The following ADNP variants were observed in gnomAD, a reference collection of about 807,000 sequenced individuals.
ADNP encodes the protein activity dependent neuroprotector homeobox, also known as activity-dependent neuroprotector homeobox protein.
ADNP carries 4 observed loss-of-function variants against 84.9 expected under a neutral mutation model. The ratio of observed to expected loss-of-function variants is 0.05; its 90% CI spans 0.02 to 0.11. The LOEUF (loss-of-function observed/expected upper bound fraction) is 0.11. ADNP is among the 10% of genes least tolerant of loss of function. ADNP has a pLI of 1.00. For missense variants in ADNP, 1,132 were observed against 1,326.0 expected, an observed-to-expected ratio of 0.85 and a Z score of 2.27; for synonymous variants, 554 against 468.1, an observed-to-expected ratio of 1.18 and a Z score of -2.37.
chr20:50,930,371 CT>C (rs1288484174), intron 1 of ADNP, among the ~76,000 whole-genome samples: 2 of 152,078 alleles, frequency 1.3e-5, no homozygotes, highest in African/African-American at 4.8e-5. Context: ...CCCGTCCCCC[CT>C]CCCCCAGGTA....
At chr20:50,930,182 G>A (rs1329350625) in intron 1 of ADNP, among the ~76,000 whole-genome samples, 2 of 152,148 alleles carry the variant, frequency 1.3e-5, no homozygotes, top group African/African-American at 2.4e-5. Context: ...CCACCTTACT[G>A]CAAAGTTGGG....
chr20:50,898,406 G>A (rs1041122588), intron 5 of ADNP, among the ~76,000 whole-genome samples: 2 of 152,138 alleles, frequency 1.3e-5, no homozygotes, highest in East Asian at 1.9e-4. Flanking sequence ...ACACAGCACC[G>A]TGTGCACCTG....
chr20:50,901,449 A>C (rs80142081), intron 5 of ADNP, among the ~76,000 whole-genome samples: 1 of 152,102 alleles, frequency 6.6e-6, no homozygotes, highest in Admixed American at 6.6e-5. Flanking sequence ...AATGGTAAAA[A>C]TTAAATTGAC....
rs141164999 is a variant in ADNP at position 50,914,428 on chromosome 20, G to A, written c.-89-9579C>T. The A allele has an allele frequency of 5.8e-5, 28 of 486,354 alleles. No individual in the cohort carries two copies. The Middle Eastern group carries it at 1.8e-3, about 31-fold the overall frequency. The allele number at this position is 486,354 out of a possible 1,614,324, so 30.1% of individuals were successfully genotyped here. On this transcript the variant is annotated intron_variant, in intron 2 of 5. Transcript: ENST00000621696. ...GCTTGGATTTCTTCTTACTTTCTAT[G>A]TTGTGATGCTGTCCCCAGTGTCCTG...
intron 2 of ADNP, among the ~76,000 whole-genome samples, chr20:50,923,728 G>A (rs1201164507): frequency 6.6e-6 from 1 of 152,126 alleles, no homozygotes; most frequent in African/African-American, 2.4e-5. Context: ...ATGTTGGCCA[G>A]GCTGGTCTTG....
chr20:50,915,959 CCA>C (rs1323733608), intron 2 of ADNP, among the ~76,000 whole-genome samples: 1 of 152,090 alleles, frequency 6.6e-6, no homozygotes, highest in Admixed American at 6.6e-5. Flanking sequence ...GGAAATGTAA[CCA>C]GTTTCTGTAT....
chr20:50,915,110 A>G (rs1983409243), intron 2 of ADNP, among the ~76,000 whole-genome samples: 1 of 152,210 alleles, frequency 6.6e-6, no homozygotes, highest in Admixed American at 6.5e-5. Context: ...AACAAAATGT[A>G]TTCTGATTTG....
At chr20:50,923,595 G>T (rs937424773) in intron 2 of ADNP, among the ~76,000 whole-genome samples, 1 of 152,042 alleles carries the variant, frequency 6.6e-6, no homozygotes, top group Non-Finnish European at 1.5e-5. Context: ...TTGGCTCACT[G>T]CAACCTCCGC....
intron 2 of ADNP, among the ~76,000 whole-genome samples, chr20:50,915,691 C>G (rs750609106): frequency 1.6e-4 from 25 of 152,152 alleles, no homozygotes; most frequent in Non-Finnish European, 3.2e-4. Flanking sequence ...TCTGGATTAG[C>G]AGATAAAACT....
intron 2 of ADNP, chr20:50,914,366 G>T: frequency 1.6e-6 from 1 of 632,640 alleles, no homozygotes; most frequent in South Asian, 1.9e-5. Context: ...AAGGTGCCCT[G>T]GGTTTAGTAC....
chr20:50,889,617 A>G lies in ADNP; in HGVS notation c.*1788T>C, dbSNP rs1046308038. 2 of 358,422 alleles carry G rather than the reference A, an allele frequency of 5.6e-6. No homozygotes were observed. The allele number at this position is 358,422 out of a possible 1,614,324, so 22.2% of individuals were successfully genotyped here. ...GAGTCTTTCTTTTGGAAACAGACTCAGAAGTTATGGACATCAGCCACTTCA... is the reference window on the plus strand; with the variant it reads ...GAGTCTTTCTTTTGGAAACAGACTCGGAAGTTATGGACATCAGCCACTTCA... On this transcript the variant is annotated 3_prime_UTR_variant, in exon 6 of 6. Transcript: ENST00000621696.
chr20:50,918,785 G>A (rs1279997590), intron 2 of ADNP, among the ~76,000 whole-genome samples: 1 of 152,118 alleles, frequency 6.6e-6, no homozygotes, highest in East Asian at 1.9e-4. Context: ...AGAGGTCCTG[G>A]GAAAAATGAA....
rs1337715752 is a variant in ADNP, at chr20:50,890,840, T to TA, written c.*564dup. 3 of 861,472 alleles carry TA rather than the reference T, an allele frequency of 3.5e-6. No individual in the cohort carries two copies. The highest frequency in any genetic ancestry group is 1.2e-4 in the East Asian group (1 of 8,194). The allele number at this position is 861,472 out of a possible 1,614,324, so 53.4% of individuals were successfully genotyped here. On this transcript the variant is annotated 3_prime_UTR_variant, in exon 6 of 6. Transcript: ENST00000621696. ...TTGAGCTTTTGCTAGGTAAACTAGA[T>TA]AGAGCGTTTATTACACAGCAAGGGC...
At chr20:50,897,914 A>T (rs140201627) in intron 5 of ADNP, among the ~76,000 whole-genome samples, 2 of 152,162 alleles carry the variant, frequency 1.3e-5, no homozygotes, top group African/African-American at 2.4e-5. Context: ...ACGACTTCTT[A>T]TATCTCCTGC....
chr20:50,908,145 CTGTT>C (rs1982670591), intron 2 of ADNP, among the ~76,000 whole-genome samples: 2 of 97,626 alleles, frequency 2.0e-5, no homozygotes, highest in South Asian at 3.1e-4. Context: ...AAAGATTTTT[CTGTT>C]TTTTTTTTTT....
intron 5 of ADNP, among the ~76,000 whole-genome samples, chr20:50,897,037 G>T (rs1451576241): frequency 1.3e-5 from 2 of 152,170 alleles, no homozygotes; most frequent in East Asian, 3.9e-4. Context: ...CACTTCCCGG[G>T]TTCAAGCGAT....
chr20:50,929,899 T>TA (rs1984550390), intron 1 of ADNP, among the ~76,000 whole-genome samples: 1 of 152,068 alleles, frequency 6.6e-6, no homozygotes, highest in South Asian at 2.1e-4. Context: ...GAGTAACTGG[T>TA]AAATTCAAGA....
intron 2 of ADNP, among the ~76,000 whole-genome samples, chr20:50,928,315 T>G (rs1027273319): frequency 7.9e-5 from 12 of 152,232 alleles, no homozygotes; most frequent in Admixed American, 1.3e-4. Flanking sequence ...AACCATGTTT[T>G]CATCAGACAT....
chr20:50,891,109 A>C lies in ADNP; in HGVS notation c.*296T>G. ...TCTGACCAATCATTTCACAGAGGGA[A>C]AGAAATGTTGAAAAGGCAGATAAAA... On this transcript the variant is annotated 3_prime_UTR_variant, in exon 6 of 6. Transcript: ENST00000621696. The C allele has an allele frequency of 8.5e-7, 1 of 1,170,426 alleles. No homozygotes were observed. Among genetic ancestry groups the C allele is most frequent in the Non-Finnish European group, 1.1e-6 (1 of 948,312 alleles). The allele number at this position is 1,170,426 out of a possible 1,614,324, so 72.5% of individuals were successfully genotyped here.
Sources: allele counts gnomAD v4.1 joint callset (sites outside exome capture counted in the v4.1 genomes callset), GRCh38; gene constraint gnomAD v4.1.1; transcripts MANE v1.5; gene names NCBI Gene and HGNC (gene_info 2026-07-23, HGNC 2026-07-21).